ZNF536: variants seen among roughly 807,000 people sequenced by gnomAD.
ZNF536 encodes the protein zinc finger protein 536.
Under a neutral mutation model 84.5 loss-of-function variants are expected in ZNF536, and 13 were observed. The ratio of observed to expected loss-of-function variants is 0.15; its 90% CI spans 0.10 to 0.24. The LOEUF is 0.24. Among genes scored for constraint, ZNF536 ranks in the 10% least tolerant of loss-of-function variants. The pLI, the probability that ZNF536 is intolerant of heterozygous loss-of-function variation, is 1.00. For synonymous variants in ZNF536, 811 were observed against 742.5 expected (o/e 1.09, Z -1.50); for missense variants, 1,536 against 1,747.5 (o/e 0.88, Z 2.16).
intron 1 of ZNF536, among the ~76,000 whole-genome samples, chr19:30,648,156 T>C (rs972590396): frequency 1.3e-5 from 2 of 152,056 alleles, no homozygotes; most frequent in African/African-American, 2.4e-5. Context: ...AAAGGGCTGC[T>C]CCATGCAGAA....
At chr19:30,306,588 C>A (rs533215253) in intron 2 of ZNF536, among the ~76,000 whole-genome samples, 17 of 152,150 alleles carry the variant, frequency 1.1e-4, no homozygotes, top group Non-Finnish European at 1.5e-4. Context: ...ATTTCACCTG[C>A]GACTTTGATT....
At chr19:30,234,093 C>T (rs1354812520) in intron 1 of ZNF536, among the ~76,000 whole-genome samples, 2 of 152,196 alleles carry the variant, frequency 1.3e-5, no homozygotes, top group African/African-American at 4.8e-5. Context: ...AAGGTTCCCC[C>T]TTTCCTCTAC....
intron 1 of ZNF536, among the ~76,000 whole-genome samples, chr19:30,624,422 C>A (rs1283738506): frequency 3.3e-5 from 5 of 152,202 alleles, no homozygotes; most frequent in Admixed American, 6.5e-5. Flanking sequence ...CCAGAATGAT[C>A]TAACAGTGTT....
At chr19:30,266,855 C>T (rs553562163) in intron 1 of ZNF536, among the ~76,000 whole-genome samples, 3 of 152,172 alleles carry the variant, frequency 2.0e-5, no homozygotes, top group Non-Finnish European at 4.4e-5. Context: ...CACACACACA[C>T]GCACTCACAC....
intron 2 of ZNF536, among the ~76,000 whole-genome samples, chr19:30,455,637 G>A (rs2052805914): frequency 1.3e-5 from 2 of 152,282 alleles, no homozygotes; most frequent in Non-Finnish European, 1.5e-5. Context: ...AGAGGCAGAG[G>A]TTGCAGTGAG....
At chr19:30,530,594 G>T (rs1236673791) in intron 2 of ZNF536, among the ~76,000 whole-genome samples, 1 of 152,144 alleles carries the variant, frequency 6.6e-6, no homozygotes, top group African/African-American at 2.4e-5. Context: ...TGATCTGCTG[G>T]CCTCGGCCTC....
chr19:30,235,921 G>A (rs2023459726), intron 1 of ZNF536, among the ~76,000 whole-genome samples: 1 of 152,250 alleles, frequency 6.6e-6, no homozygotes, highest in Non-Finnish European at 1.5e-5. Context: ...CGAGCAGAGA[G>A]CGTCTCACGG....
At chr19:30,300,082 G>A (rs1035794981) in intron 2 of ZNF536, among the ~76,000 whole-genome samples, 13 of 152,136 alleles carry the variant, frequency 8.5e-5, no homozygotes, top group African/African-American at 2.7e-4. Context: ...GTGATTAAGC[G>A]TTATTAATAG....
chr19:30,385,521 C>T (rs113585257), intron 1 of ZNF536, among the ~76,000 whole-genome samples: 1,736 of 151,560 alleles, frequency 0.011, 36 homozygotes, highest in African/African-American at 0.04. Context: ...CTCTTCCCTG[C>T]TTCACCCACT....
At chr19:30,358,693 A>G (rs1465350800) in intron 3 of ZNF536, among the ~76,000 whole-genome samples, 1 of 152,226 alleles carries the variant, frequency 6.6e-6, no homozygotes, top group African/African-American at 2.4e-5. Context: ...ACTTGTGCCA[A>G]TACTCGGGAT....
chr19:30,674,772 G>A (rs2050691776), intron 1 of ZNF536, among the ~76,000 whole-genome samples: 1 of 152,322 alleles, frequency 6.6e-6, no homozygotes. Context: ...TGTATAGTGT[G>A]TTCTTGGTTG....
intron 1 of ZNF536, among the ~76,000 whole-genome samples, chr19:30,264,857 TC>T (rs1555778050): frequency 6.6e-6 from 1 of 151,686 alleles, no homozygotes; most frequent in Non-Finnish European, 1.5e-5. Context: ...CGCTCCAAGC[TC>T]CACACCAGGC....
chr19:30,473,719 G>T (rs10411380), intron 2 of ZNF536, among the ~76,000 whole-genome samples: 6,547 of 152,254 alleles, frequency 0.043, 487 homozygotes, highest in African/African-American at 0.15. Context: ...CACAGCTCAA[G>T]TGCCACCTGC....
At chr19:30,517,185 AGTC>A (rs2044114757) in intron 2 of ZNF536, among the ~76,000 whole-genome samples, 3 of 152,194 alleles carry the variant, frequency 2.0e-5, no homozygotes, top group South Asian at 4.1e-4. Context: ...ATCACTTGAA[AGTC>A]TGTTTCTCTC....
intron 1 of ZNF536, among the ~76,000 whole-genome samples, chr19:30,689,235 C>G (rs1326506614): frequency 6.6e-6 from 1 of 152,246 alleles, no homozygotes; most frequent in Non-Finnish European, 1.5e-5. Flanking sequence ...TTGAACCTGT[C>G]TGCCTGCATC....
intron 2 of ZNF536, among the ~76,000 whole-genome samples, chr19:30,299,963 A>T (rs1411230227): frequency 6.6e-6 from 1 of 152,204 alleles, no homozygotes; most frequent in Non-Finnish European, 1.5e-5. Context: ...TTAACAAGCC[A>T]TCTCGATGCA....
intron 2 of ZNF536, among the ~76,000 whole-genome samples, chr19:30,321,925 C>T (rs534337270): frequency 6.6e-6 from 1 of 152,052 alleles, no homozygotes; most frequent in East Asian, 1.9e-4. Flanking sequence ...TATAGGCGTG[C>T]ACCACCATGC....
intron 2 of ZNF536, among the ~76,000 whole-genome samples, chr19:30,310,141 G>T (rs1600168720): frequency 6.6e-6 from 1 of 152,250 alleles, no homozygotes; most frequent in East Asian, 1.9e-4. Flanking sequence ...TGGTCTTTCC[G>T]TGGGTATTAT....
At chr19:30,569,210 T>G (rs1213760826) in intron 1 of ZNF536, among the ~76,000 whole-genome samples, 1 of 152,098 alleles carries the variant, frequency 6.6e-6, no homozygotes, top group Non-Finnish European at 1.5e-5. Context: ...TTTTTTTTTG[T>G]GTTGAGGTAT....
Sources: allele counts gnomAD v4.1 joint callset (sites outside exome capture counted in the v4.1 genomes callset), GRCh38; gene constraint gnomAD v4.1.1; transcripts MANE v1.5; gene names NCBI Gene and HGNC (gene_info 2026-07-23, HGNC 2026-07-21).